PDE1A: variants seen among roughly 807,000 people sequenced by gnomAD.
PDE1A encodes dual specificity calcium/calmodulin-dependent 3',5'-cyclic nucleotide phosphodiesterase 1A.
Under a neutral mutation model 61.7 loss-of-function variants are expected in PDE1A, and 35 were observed. The observed-to-expected ratio is 0.57, with a 90% confidence interval of 0.43 to 0.75. The LOEUF (loss-of-function observed/expected upper bound fraction) is 0.75, where lower values mean the gene tolerates loss of function less well. Ranked by LOEUF, PDE1A falls within the 30% of genes least tolerant of loss-of-function variation. The pLI, the probability that PDE1A is intolerant of heterozygous loss-of-function variation, is 0.00. For synonymous variants in PDE1A, 232 were observed against 213.2 expected, an observed-to-expected ratio of 1.09 and a Z score of -0.77; for missense variants, 597 against 630.6, an observed-to-expected ratio of 0.95 and a Z score of 0.57.
At chr2:182,163,264 C>T (rs79901123), downstream of PDE1A, among the ~76,000 whole-genome samples, 4,475 of 152,238 alleles carry the variant, frequency 0.029, 207 homozygotes, top group African/African-American at 0.1. Flanking sequence ...CTGGTAAATG[C>T]TTTTTCTCCA....
At chr2:182,213,475 C>T (rs1220828841) in intron 7 of PDE1A, among the ~76,000 whole-genome samples, 25 of 77,096 alleles carry the variant, frequency 3.2e-4, no homozygotes, top group African/African-American at 5.4e-4. Context: ...CTCTGAGCTA[C>T]GGGAGGACAT....
At chr2:182,162,687 G>A (rs987290831) in intron 13 of PDE1A, among the ~76,000 whole-genome samples, 2 of 152,092 alleles carry the variant, frequency 1.3e-5, no homozygotes, top group Non-Finnish European at 2.9e-5. Flanking sequence ...GGCTTTTCAG[G>A]GATGACTGGC....
the PDE1A span, among the ~76,000 whole-genome samples, chr2:182,595,049 C>T: frequency 6.6e-6 from 1 of 152,024 alleles, no homozygotes; most frequent in Non-Finnish European, 1.5e-5. Context: ...CTGTGGTAAG[C>T]CTTTTTGTTA....
the PDE1A span, among the ~76,000 whole-genome samples, chr2:182,630,345 A>G: frequency 6.6e-6 from 1 of 152,180 alleles, no homozygotes; most frequent in African/African-American, 2.4e-5. Flanking sequence ...GGCTAACACC[A>G]TATGTTGCAG....
chr2:182,282,876 T>G (rs1693903710), intron 1 of PDE1A, among the ~76,000 whole-genome samples: 1 of 151,998 alleles, frequency 6.6e-6, no homozygotes, highest in Non-Finnish European at 1.5e-5. Context: ...TGAAATAGTC[T>G]CAATTGGAAA....
At chr2:182,203,905 T>C (rs1686879533) in intron 8 of PDE1A, among the ~76,000 whole-genome samples, 1 of 152,014 alleles carries the variant, frequency 6.6e-6, no homozygotes, top group African/African-American at 2.4e-5. Context: ...GTTGAATCTA[T>C]TAAATTCTAA....
intron 1 of PDE1A, among the ~76,000 whole-genome samples, chr2:182,265,567 C>T (rs2125794743): frequency 6.6e-6 from 1 of 152,110 alleles, no homozygotes; most frequent in Admixed American, 6.6e-5. Flanking sequence ...AGCTAGATGC[C>T]TGAGTTACAG....
intron 2 of PDE1A, among the ~76,000 whole-genome samples, chr2:182,515,010 T>C (rs1690045126): frequency 6.6e-6 from 1 of 152,218 alleles, no homozygotes; most frequent in African/African-American, 2.4e-5. Context: ...GCTGATATTT[T>C]GATTTTCATC....
intron 13 of PDE1A, among the ~76,000 whole-genome samples, chr2:182,154,755 G>A (rs376311068): frequency 1.3e-4 from 20 of 152,164 alleles, no homozygotes; most frequent in South Asian, 6.2e-4. Context: ...TCTCAAGTAC[G>A]TCTTTATTAG....
intron 2 of PDE1A, among the ~76,000 whole-genome samples, chr2:182,438,368 A>G (rs747933076): frequency 2.0e-5 from 3 of 151,962 alleles, no homozygotes; most frequent in African/African-American, 4.8e-5. Context: ...TTGGTCTCCA[A>G]TGGGGCCACC....
At chr2:182,570,168 G>A in the PDE1A span, among the ~76,000 whole-genome samples, 1 of 152,134 alleles carries the variant, frequency 6.6e-6, no homozygotes, top group Non-Finnish European at 1.5e-5. Context: ...GAGATAAAAT[G>A]TTAGTAAAAA....
the PDE1A span, among the ~76,000 whole-genome samples, chr2:182,675,583 A>C: frequency 6.6e-6 from 1 of 152,146 alleles, no homozygotes; most frequent in Non-Finnish European, 1.5e-5. Context: ...ACAGTGTATA[A>C]GTTTTCCCAT....
At chr2:182,518,117 G>A (rs1023432782) in intron 2 of PDE1A, among the ~76,000 whole-genome samples, 1 of 152,180 alleles carries the variant, frequency 6.6e-6, no homozygotes, top group Admixed American at 6.5e-5. Context: ...AGGTGTTTAA[G>A]CAGAGAGTAA....
At chr2:182,593,501 G>C in the PDE1A span, among the ~76,000 whole-genome samples, 1 of 152,150 alleles carries the variant, frequency 6.6e-6, no homozygotes, top group South Asian at 2.1e-4. Flanking sequence ...CTAGTAGATA[G>C]GATAATGTGG....
chr2:182,315,192 G>A (rs1163754028), intron 1 of PDE1A, among the ~76,000 whole-genome samples: 1 of 151,974 alleles, frequency 6.6e-6, no homozygotes, highest in Non-Finnish European at 1.5e-5. Context: ...AGATTTTTAA[G>A]GCCATAATTA....
intron 6 of PDE1A, among the ~76,000 whole-genome samples, chr2:182,224,496 T>C (rs1052791819): frequency 4.6e-5 from 7 of 151,864 alleles, no homozygotes; most frequent in African/African-American, 1.7e-4. Flanking sequence ...TCATAACACA[T>C]AAAAATGGCT....
the PDE1A span, among the ~76,000 whole-genome samples, chr2:182,545,966 A>T: frequency 6.6e-6 from 1 of 152,212 alleles, no homozygotes; most frequent in African/African-American, 2.4e-5. Context: ...TTTACTATAT[A>T]GAGAAGCAAG....
At chr2:182,353,203 A>C (rs1698989613) in intron 1 of PDE1A, among the ~76,000 whole-genome samples, 1 of 152,210 alleles carries the variant, frequency 6.6e-6, no homozygotes, top group African/African-American at 2.4e-5. Context: ...TGTCTTCTAA[A>C]AATTAATCTG....
At chr2:182,359,599 T>C (rs961860140) in intron 1 of PDE1A, among the ~76,000 whole-genome samples, 7 of 152,178 alleles carry the variant, frequency 4.6e-5, no homozygotes, top group African/African-American at 1.7e-4. Flanking sequence ...ATTATTGATG[T>C]CATTTTAATG....
Sources: allele counts gnomAD v4.1 joint callset (sites outside exome capture counted in the v4.1 genomes callset), GRCh38; gene constraint gnomAD v4.1.1; transcripts MANE v1.5; gene names NCBI Gene and HGNC (gene_info 2026-07-23, HGNC 2026-07-21).